The following ADAMTS20 variants were observed in gnomAD, a reference collection of about 807,000 sequenced individuals.
The protein encoded by ADAMTS20 is A disintegrin and metalloproteinase with thrombospondin motifs 20.
ADAMTS20 carries 225 observed loss-of-function variants against 260.1 expected under a neutral mutation model. The observed-to-expected ratio is 0.87, with a 90% CI of 0.78 to 0.97. The LOEUF (loss-of-function observed/expected upper bound fraction) is 0.97. Among genes scored for constraint, ADAMTS20 ranks in the 50% least tolerant of loss-of-function variants. The pLI is 0.00. For synonymous variants in ADAMTS20, 802 were observed against 769.5 expected, an observed-to-expected ratio of 1.04 and a Z score of -0.70; for missense variants, 2,400 against 2,337.7, an observed-to-expected ratio of 1.03 and a Z score of -0.55.
intron 28 of ADAMTS20, among the ~76,000 whole-genome samples, chr12:43,415,390 G>T (rs7307355): frequency 0.77 from 117,039 of 152,094 alleles, 46,279 homozygotes; most frequent in East Asian, 1. Context: ...CCAAATTGAT[G>T]TCTCTCTTAT....
chr12:43,431,331 C>A lies in ADAMTS20; in HGVS notation c.3261+1G>T. ...TAGAAAAACCCATATCATATACTCACAGGACCCCATGGTCCTACTTGCCAG... is the reference window on the plus strand; with the variant it reads ...TAGAAAAACCCATATCATATACTCAAAGGACCCCATGGTCCTACTTGCCAG... On this transcript the variant is annotated splice_donor_variant, in intron 22 of 38. Transcript: ENST00000389420. LOFTEE classifies it high-confidence loss of function. The A allele has an allele frequency of 1.2e-6, 2 of 1,613,454 alleles. No individual in the cohort carries two copies. Among genetic ancestry groups the A allele is most frequent in the Non-Finnish European group, 1.7e-6 (2 of 1,179,508 alleles).
intron 28 of ADAMTS20, among the ~76,000 whole-genome samples, chr12:43,401,142 C>A (rs1341559632): frequency 6.6e-6 from 1 of 151,856 alleles, no homozygotes; most frequent in East Asian, 1.9e-4. Context: ...GAAATGTAGC[C>A]ATTTCTTTCT....
intron 28 of ADAMTS20, among the ~76,000 whole-genome samples, chr12:43,420,736 G>A (rs979222727): frequency 6.8e-6 from 1 of 146,542 alleles, no homozygotes; most frequent in African/African-American, 2.5e-5. Context: ...ATTTACCGGT[G>A]TTTGCTGCTA....
chr12:43,407,200 C>G (rs1459336919), intron 28 of ADAMTS20, among the ~76,000 whole-genome samples: 3 of 151,860 alleles, frequency 2.0e-5, no homozygotes, highest in African/African-American at 4.8e-5. Context: ...AAATTTGTAG[C>G]TCCAGACATT....
intron 19 of ADAMTS20, among the ~76,000 whole-genome samples, chr12:43,434,033 C>G (rs1941502084): frequency 6.6e-6 from 1 of 152,098 alleles, no homozygotes; most frequent in African/African-American, 2.4e-5. Flanking sequence ...ATATTGAGGC[C>G]TATATACTGG....
At chr12:43,365,258 A>T (rs1939958727) in intron 37 of ADAMTS20, among the ~76,000 whole-genome samples, 1 of 152,096 alleles carries the variant, frequency 6.6e-6, no homozygotes, top group Admixed American at 6.6e-5. Context: ...ATACTAAAGG[A>T]AGTTCTTCAG....
chr12:43,355,626 T>C (rs1199255957), intron 38 of ADAMTS20, among the ~76,000 whole-genome samples: 1 of 152,060 alleles, frequency 6.6e-6, no homozygotes, highest in Admixed American at 6.6e-5. Flanking sequence ...TCATAAAACA[T>C]TAGAGTATAC....
chr12:43,523,715 C>T (rs1354518888), intron 3 of ADAMTS20, among the ~76,000 whole-genome samples: 2 of 152,112 alleles, frequency 1.3e-5, no homozygotes, highest in Non-Finnish European at 2.9e-5. Flanking sequence ...GGAAGCTATG[C>T]TCTCCTCTAG....
At chr12:43,412,288 T>TA (rs1430152688) in intron 28 of ADAMTS20, among the ~76,000 whole-genome samples, 4 of 152,212 alleles carry the variant, frequency 2.6e-5, no homozygotes, top group Admixed American at 2.0e-4. Context: ...ATCCTACACT[T>TA]ACTCTTCAGT....
intron 10 of ADAMTS20, among the ~76,000 whole-genome samples, 198 bp downstream of exon 10, chr12:43,464,393 G>A (rs573774502): frequency 4.6e-5 from 7 of 151,964 alleles, no homozygotes; most frequent in Non-Finnish European, 1.0e-4. Context: ...TAATTTTTAA[G>A]TACCCAAAAC....
At chr12:43,501,056 T>TTTTTC (rs1491311632) in intron 4 of ADAMTS20, among the ~76,000 whole-genome samples, 1 of 20,092 alleles carries the variant, frequency 5.0e-5, no homozygotes, top group East Asian at 3.7e-3. Flanking sequence ...TATGTAATTC[T>TTTTTC]TTTTTTTTTT....
At chr12:43,371,908 T>C (rs566136622) in intron 36 of ADAMTS20, among the ~76,000 whole-genome samples, 10 of 152,166 alleles carry the variant, frequency 6.6e-5, no homozygotes, top group Non-Finnish European at 1.3e-4. Context: ...GGAAGAAAGG[T>C]AGAAGTTGAA....
intron 31 of ADAMTS20, among the ~76,000 whole-genome samples, chr12:43,380,148 A>C (rs908339121): frequency 1.3e-5 from 2 of 152,216 alleles, no homozygotes; most frequent in Non-Finnish European, 2.9e-5. Flanking sequence ...TATGAAAGTC[A>C]ATCTATGTAA....
intron 28 of ADAMTS20, 123 bp downstream of exon 28, chr12:43,425,391 C>T (rs1941312282): frequency 2.3e-6 from 2 of 854,140 alleles, no homozygotes; most frequent in Non-Finnish European, 1.6e-6. Flanking sequence ...CAAACCTGCA[C>T]ATCTTGCACA....
intron 11 of ADAMTS20, among the ~76,000 whole-genome samples, chr12:43,455,944 C>G (rs1941957396): frequency 6.6e-6 from 1 of 152,044 alleles, no homozygotes; most frequent in Non-Finnish European, 1.5e-5. Flanking sequence ...CCTGCTTTCA[C>G]CTTTAGATAT....
chr12:43,426,324 G>C (rs184329001), intron 27 of ADAMTS20, among the ~76,000 whole-genome samples: 19 of 152,238 alleles, frequency 1.2e-4, no homozygotes, highest in Admixed American at 1.2e-3. Context: ...CTCAGAAATA[G>C]AAGTACTTTC....
At chr12:43,522,324 A>T (rs1031186155) in intron 3 of ADAMTS20, among the ~76,000 whole-genome samples, 1 of 151,852 alleles carries the variant, frequency 6.6e-6, no homozygotes, top group Non-Finnish European at 1.5e-5. Flanking sequence ...TGATCCAATT[A>T]CCCCCACCTG....
intron 2 of ADAMTS20, among the ~76,000 whole-genome samples, chr12:43,541,581 G>A (rs1021326608): frequency 6.6e-6 from 1 of 152,074 alleles, no homozygotes; most frequent in African/African-American, 2.4e-5. Flanking sequence ...TTTATTTGGG[G>A]ATAAGTAAAA....
Position 43,363,375 on chromosome 12 carries a change from A to G in ADAMTS20, c.5538+5915T>C, listed in dbSNP as rs554422955. On this transcript the variant is annotated intron_variant, in intron 37 of 38. Coordinates refer to ENST00000389420, the MANE Select transcript of ADAMTS20 (RefSeq NM_025003.5). ...CCAGTCCCTACTCACAGAGCAGTCAATCTATCCCAGGCATGGTAGATCAAG... is the reference window on the plus strand; with the variant it reads ...CCAGTCCCTACTCACAGAGCAGTCAGTCTATCCCAGGCATGGTAGATCAAG... Among the ~76,000 whole-genome samples the G allele has an allele frequency of 2.6e-5, 4 of 152,278 alleles. 1 individual carries two copies. The highest frequency in any genetic ancestry group is 7.2e-5 in the African/African-American group (3 of 41,572).
Sources: gnomAD v4.1 joint callset for allele counts (sites outside exome capture counted in the v4.1 genomes callset) on GRCh38, gnomAD v4.1.1 for gene constraint, MANE v1.5 for transcripts, NCBI Gene and HGNC (gene_info 2026-07-23, HGNC 2026-07-21) for gene names.